The following CACNA2D1 variants were observed in gnomAD, a reference collection of about 807,000 sequenced individuals.
CACNA2D1 encodes voltage-dependent calcium channel subunit alpha-2/delta-1.
Under a neutral mutation model 171.5 loss-of-function variants are expected in CACNA2D1, and 53 were observed. The observed-to-expected ratio is 0.31, with a 90% confidence interval of 0.25 to 0.39. CACNA2D1 has a LOEUF of 0.39. Among genes scored for constraint, CACNA2D1 ranks in the 10% least tolerant of loss-of-function variants. The probability of loss-of-function intolerance (pLI) is 1.00; values close to 1 mark genes in which losing one functional copy is unlikely to be tolerated. For synonymous variants in CACNA2D1, 442 were observed against 443.1 expected (o/e 1.00, Z 0.03); for missense variants, 903 against 1,299.8 (o/e 0.69, Z 4.69).
intron 10 of CACNA2D1, among the ~76,000 whole-genome samples, chr7:82,055,020 G>T (rs1805639925): frequency 6.6e-6 from 1 of 152,178 alleles, no homozygotes; most frequent in South Asian, 2.1e-4. Flanking sequence ...CTAATTAAAA[G>T]ATTCTCATTT....
intron 3 of CACNA2D1, among the ~76,000 whole-genome samples, chr7:82,188,887 G>C (rs1340031067): frequency 1.3e-5 from 2 of 152,036 alleles, no homozygotes; most frequent in Non-Finnish European, 2.9e-5. Flanking sequence ...TGGAGCTGGA[G>C]GCCATTATCC....
chr7:82,115,913 A>G (rs937266665), intron 6 of CACNA2D1, among the ~76,000 whole-genome samples: 5 of 152,184 alleles, frequency 3.3e-5, no homozygotes, highest in African/African-American at 1.2e-4. Context: ...AGGACATTTC[A>G]GGATACTAAT....
intron 2 of CACNA2D1, among the ~76,000 whole-genome samples, chr7:82,337,996 TGA>T (rs1818200708): frequency 1.3e-5 from 2 of 152,296 alleles, no homozygotes; most frequent in African/African-American, 4.8e-5. Context: ...TTATGGTTTG[TGA>T]GATAGCCAAA....
intron 1 of CACNA2D1, among the ~76,000 whole-genome samples, chr7:82,405,438 T>C (rs1826920328): frequency 6.6e-6 from 1 of 152,114 alleles, no homozygotes; most frequent in Non-Finnish European, 1.5e-5. Context: ...CTGGGAGAAA[T>C]TACTTTACTT....
intron 5 of CACNA2D1, among the ~76,000 whole-genome samples, chr7:82,129,543 A>G (rs555322825): frequency 5.8e-4 from 89 of 152,284 alleles, no homozygotes; most frequent in Middle Eastern, 3.4e-3. Context: ...TTCTCCATTG[A>G]GAATTTTGTT....
intron 3 of CACNA2D1, among the ~76,000 whole-genome samples, chr7:82,235,705 C>T (rs544607796): frequency 5.3e-5 from 8 of 151,904 alleles, no homozygotes; most frequent in Non-Finnish European, 1.0e-4. Context: ...TCTGGATTTC[C>T]TTCATTTTTT....
intron 6 of CACNA2D1, among the ~76,000 whole-genome samples, chr7:82,102,477 C>CATATAT (rs1409017023): frequency 6.6e-6 from 1 of 151,216 alleles, no homozygotes; most frequent in African/African-American, 2.4e-5. Context: ...TGCATATATA[C>CATATAT]ATATATATAC....
chr7:82,223,045 A>G (rs186209101), intron 3 of CACNA2D1, among the ~76,000 whole-genome samples: 5 of 151,940 alleles, frequency 3.3e-5, no homozygotes, highest in African/African-American at 1.2e-4. Flanking sequence ...CTGGGATTAC[A>G]GGCACATGTC....
chr7:82,203,455 A>G (rs1423453355), intron 3 of CACNA2D1, among the ~76,000 whole-genome samples: 2 of 152,114 alleles, frequency 1.3e-5, no homozygotes, highest in African/African-American at 4.8e-5. Context: ...TAGCCCCACC[A>G]TATGTCATGG....
intron 3 of CACNA2D1, among the ~76,000 whole-genome samples, chr7:82,324,643 T>C (rs1297593069): frequency 6.6e-6 from 1 of 152,046 alleles, no homozygotes; most frequent in Non-Finnish European, 1.5e-5. Context: ...CTCCAGTGTG[T>C]AACGTAAGAG....
chr7:82,436,305 C>T (rs1830113799), intron 1 of CACNA2D1, among the ~76,000 whole-genome samples: 1 of 152,090 alleles, frequency 6.6e-6, no homozygotes, highest in Admixed American at 6.6e-5. Flanking sequence ...AGGCTGCTTA[C>T]CTGCAAGTTA....
chr7:82,109,226 C>CTT lies in CACNA2D1; in HGVS notation c.526+7816_526+7817dup, dbSNP rs3086908. Among the ~76,000 whole-genome samples the CTT allele has an allele frequency of 3.1e-3, 473 of 151,532 alleles. 7 individuals are homozygous for CTT. Among genetic ancestry groups the CTT allele is most frequent in the South Asian group, 0.019 (92 of 4,810 alleles). ...ATGTACTTTCCAGAATTAAAGAACC[C>CTT]TTTTTTTTGCAAATTATCTGGTTTT... On this transcript the variant is annotated intron_variant, in intron 6 of 38. Transcript: ENST00000356860.
intron 6 of CACNA2D1, among the ~76,000 whole-genome samples, chr7:82,105,473 T>G (rs537718627): frequency 1.3e-5 from 2 of 150,380 alleles, no homozygotes; most frequent in African/African-American, 4.9e-5. Flanking sequence ...TAAATTATTC[T>G]GGAATTAATG....
intron 1 of CACNA2D1, among the ~76,000 whole-genome samples, chr7:82,397,156 T>G (rs1338870045): frequency 1.3e-5 from 2 of 152,256 alleles, no homozygotes; most frequent in East Asian, 3.9e-4. Context: ...CTAACTCGCT[T>G]TCCCCAAAAG....
intron 1 of CACNA2D1, among the ~76,000 whole-genome samples, chr7:82,398,905 T>C (rs1441084453): frequency 6.6e-6 from 1 of 151,956 alleles, no homozygotes; most frequent in African/African-American, 2.4e-5. Context: ...TTTTCCTTCC[T>C]TCTACCCTTC....
intron 26 of CACNA2D1, 108 bp from the exon 27 acceptor site, chr7:81,970,845 T>A: frequency 1.3e-6 from 1 of 747,910 alleles, no homozygotes; most frequent in Non-Finnish European, 2.5e-6. Context: ...AAAGGAAATA[T>A]ATCAATAGAT....
chr7:82,153,008 C>T (rs902042405), intron 4 of CACNA2D1, among the ~76,000 whole-genome samples: 2 of 150,858 alleles, frequency 1.3e-5, no homozygotes, highest in Non-Finnish European at 3.0e-5. Context: ...CACTGATCAC[C>T]TAAGCTGATT....
rs1796636027 is a variant in CACNA2D1, at chr7:81,983,398, G to T, written c.1874-64C>A. 10 of 1,185,774 alleles carry T rather than the reference G, an allele frequency of 8.4e-6. 1 individual carries two copies. The highest frequency in any genetic ancestry group is 7.3e-5 in the Admixed American group (4 of 54,716). 73.5% of individuals were successfully genotyped at this position (1,185,774 alleles called of 1,614,324 possible). A position where few individuals can be genotyped will look rare whatever the true frequency, so the allele number is the denominator to read the frequency against. On this transcript the variant is annotated intron_variant, in intron 22 of 38. Transcript: ENST00000356860. Reference sequence around the variant, plus strand: ...AAAAAAAAGAGGGTAAAGCAAAGGGGGTCATAAACAATATTTTATTCAATG... The same window carrying T: ...AAAAAAAAGAGGGTAAAGCAAAGGGTGTCATAAACAATATTTTATTCAATG...
intron 3 of CACNA2D1, among the ~76,000 whole-genome samples, chr7:82,286,631 C>T (rs1275510332): frequency 1.3e-5 from 2 of 152,132 alleles, no homozygotes; most frequent in Non-Finnish European, 2.9e-5. Context: ...GAGGCAGACA[C>T]TGATTATTGA....
Sources: gnomAD v4.1 joint callset for allele counts (sites outside exome capture counted in the v4.1 genomes callset) on GRCh38, gnomAD v4.1.1 for gene constraint, MANE v1.5 for transcripts, NCBI Gene and HGNC (gene_info 2026-07-23, HGNC 2026-07-21) for gene names.